MMS22L: variants seen among roughly 807,000 people sequenced by gnomAD.
The protein encoded by MMS22L is protein MMS22-like.
In MMS22L, 74 loss-of-function variants were observed where a neutral mutation model predicts 159.1. That is an observed-to-expected ratio of 0.47 (90% CI 0.39 to 0.56). MMS22L has a LOEUF of 0.56. Ranked by LOEUF, MMS22L falls within the 20% of genes least tolerant of loss-of-function variation. The probability of loss-of-function intolerance (pLI) is 0.00; values close to 1 mark genes in which losing one functional copy is unlikely to be tolerated. For missense variants in MMS22L, 1,351 were observed against 1,422.1 expected, an observed-to-expected ratio of 0.95 and a Z score of 0.80; for synonymous variants, 517 against 506.9, an observed-to-expected ratio of 1.02 and a Z score of -0.27.
intron 9 of MMS22L, among the ~76,000 whole-genome samples, chr6:97,255,668 C>T (rs1813721007): frequency 6.6e-6 from 1 of 151,996 alleles, no homozygotes; most frequent in African/African-American, 2.4e-5. Flanking sequence ...CTTTAGTTTA[C>T]AGAATGTTAT....
At chr6:97,193,020 A>T (rs1806056712) in intron 14 of MMS22L, among the ~76,000 whole-genome samples, 1 of 152,160 alleles carries the variant, frequency 6.6e-6, no homozygotes, top group African/African-American at 2.4e-5. Context: ...TTACTACACA[A>T]ATAAATAATA....
At chr6:97,150,783 G>A (rs1051548148) in intron 23 of MMS22L, among the ~76,000 whole-genome samples, 1 of 152,048 alleles carries the variant, frequency 6.6e-6, no homozygotes, top group Admixed American at 6.6e-5. Flanking sequence ...TGAAGGAAAC[G>A]AACGCAAATT....
intron 20 of MMS22L, among the ~76,000 whole-genome samples, chr6:97,166,767 G>A (rs550030237): frequency 6.6e-6 from 1 of 152,162 alleles, no homozygotes; most frequent in South Asian, 2.1e-4. Flanking sequence ...GGGTTTAAGA[G>A]GACCACATGG....
chr6:97,220,179 G>C (rs1007788295), intron 14 of MMS22L, among the ~76,000 whole-genome samples: 1 of 152,166 alleles, frequency 6.6e-6, no homozygotes, highest in Admixed American at 6.5e-5. Flanking sequence ...AACTTCGTTG[G>C]ACAAGAAGAT....
intron 24 of MMS22L, 77 bp from the exon 25 acceptor site, chr6:97,146,964 T>C (rs1800953494): frequency 9.9e-7 from 1 of 1,008,586 alleles, no homozygotes; most frequent in Non-Finnish European, 1.5e-6. Context: ...ACAAATTAAG[T>C]CTGCCCATCA....
At chr6:97,232,624 T>C (rs1810985542) in intron 12 of MMS22L, among the ~76,000 whole-genome samples, 2 of 152,124 alleles carry the variant, frequency 1.3e-5, no homozygotes, top group African/African-American at 4.8e-5. Flanking sequence ...GACTCTAGCT[T>C]AATTTGATAC....
intron 19 of MMS22L, among the ~76,000 whole-genome samples, chr6:97,171,227 G>C (rs1237645521): frequency 4.6e-5 from 7 of 152,092 alleles, no homozygotes; most frequent in Admixed American, 4.6e-4. Flanking sequence ...AAAAATTCAA[G>C]AGATGGCTAC....
At chr6:97,176,788 T>C (rs1297718359) in intron 18 of MMS22L, among the ~76,000 whole-genome samples, 1 of 152,194 alleles carries the variant, frequency 6.6e-6, no homozygotes, top group African/African-American at 2.4e-5. Flanking sequence ...TCTTGGAAGC[T>C]GTCCCTGGTT....
At chr6:97,236,376 TG>T (rs1811413798) in intron 11 of MMS22L, among the ~76,000 whole-genome samples, 1 of 151,598 alleles carries the variant, frequency 6.6e-6, no homozygotes, top group African/African-American at 2.4e-5. Flanking sequence ...TAAGTCATTT[TG>T]GAGAGCAGAA....
intron 14 of MMS22L, among the ~76,000 whole-genome samples, chr6:97,205,081 C>T (rs1012454614): frequency 1.3e-5 from 2 of 150,828 alleles, no homozygotes; most frequent in Non-Finnish European, 3.0e-5. Flanking sequence ...GTAGCTGGGA[C>T]TACAGGTGTG....
chr6:97,213,041 TTGTG>T (rs139266677), intron 14 of MMS22L, among the ~76,000 whole-genome samples: 4 of 151,756 alleles, frequency 2.6e-5, no homozygotes, highest in South Asian at 2.1e-4. Context: ...CATGAGCACA[TTGTG>T]TGTGTGTGTG....
Position 97,263,337 on chromosome 6 carries a change from C to G in MMS22L, c.940G>C (p.Glu314Gln). Reference protein sequence around the residue: ...LDHRSKWFVSESFWNWLNKLL... With the variant: ...LDHRSKWFVSQSFWNWLNKLL... ...AACACATCAATTTTCCAACTTACTT[C>G]CGAGACAAACCATTTACTTCTGTGG... Residue 314 changes from glutamate (E) to glutamine (Q), a missense_variant and splice_region_variant, in exon 9 of 25, where the codon GAA (glutamate) becomes CAA (glutamine). Physicochemically the swap from Glu to Gln is conservative, Grantham distance 29. Transcript: ENST00000683635. The G allele has an allele frequency of 6.4e-7, 1 of 1,570,958 alleles. No individual in the cohort carries two copies. The highest frequency in any genetic ancestry group is 1.2e-5 in the South Asian group (1 of 85,040).
intron 19 of MMS22L, among the ~76,000 whole-genome samples, chr6:97,171,266 T>C (rs963138302): frequency 7.2e-5 from 11 of 152,122 alleles, no homozygotes; most frequent in African/African-American, 2.7e-4. Context: ...TGGGGGCATG[T>C]CAAGTACACA....
intron 24 of MMS22L, among the ~76,000 whole-genome samples, chr6:97,148,648 ATG>A (rs1194188835): frequency 6.6e-6 from 1 of 152,046 alleles, no homozygotes; most frequent in African/African-American, 2.4e-5. Context: ...CAGCTATACA[ATG>A]TGTGTGTTAA....
At chr6:97,186,338 A>G (rs1455184721) in intron 15 of MMS22L, among the ~76,000 whole-genome samples, 159 bp downstream of exon 15, 4 of 152,202 alleles carry the variant, frequency 2.6e-5, no homozygotes, top group Admixed American at 6.5e-5. Context: ...TTAGCAATAA[A>G]TAAGCCAAAG....
chr6:97,172,639 G>A (rs1395388048), intron 19 of MMS22L, among the ~76,000 whole-genome samples: 8 of 152,156 alleles, frequency 5.3e-5, no homozygotes, highest in Non-Finnish European at 1.2e-4. Context: ...AATATTTTTA[G>A]TGCTGTATTA....
Position 97,195,432 on chromosome 6 carries a change from G to A in MMS22L, c.2040-8742C>T, listed in dbSNP as rs186969210. On this transcript the variant is annotated intron_variant, in intron 14 of 24. Transcript: ENST00000683635. ...GTGTAATATAATTTACATCTTAAAAGGAATATATAAAAGAACAAGGTGTTT... is the reference window on the plus strand; with the variant it reads ...GTGTAATATAATTTACATCTTAAAAAGAATATATAAAAGAACAAGGTGTTT... Among the ~76,000 whole-genome samples, 208 of 152,086 alleles carry A rather than the reference G, an allele frequency of 1.4e-3. 1 individual carries two copies. Among genetic ancestry groups the A allele is most frequent in the African/African-American group, 4.7e-3 (196 of 41,480 alleles).
chr6:97,259,714 TC>T (rs1562516363), intron 9 of MMS22L: 2 of 149,674 alleles, frequency 1.3e-5, no homozygotes, highest in Admixed American at 6.7e-5. Flanking sequence ...TATATATATA[TC>T]TATATATCCT....
chr6:97,152,794 C>T (rs1801442510), intron 22 of MMS22L, among the ~76,000 whole-genome samples: 1 of 140,542 alleles, frequency 7.1e-6, no homozygotes. Flanking sequence ...TTTCTTTTTT[C>T]TTTAACTGAA....
Sources: allele counts gnomAD v4.1 joint callset (sites outside exome capture counted in the v4.1 genomes callset), GRCh38; gene constraint gnomAD v4.1.1; transcripts MANE v1.5; gene names NCBI Gene and HGNC (gene_info 2026-07-23, HGNC 2026-07-21).